The following CPLX1 variants were observed in gnomAD, a reference collection of about 807,000 sequenced individuals.
The protein encoded by CPLX1 is complexin-1.
In CPLX1, 6 loss-of-function variants were observed where a neutral mutation model predicts 15.6. That is an observed-to-expected ratio of 0.39 (90% confidence interval 0.21 to 0.76). CPLX1 has a LOEUF of 0.76. CPLX1 is among the 30% of genes least tolerant of loss of function. The probability of loss-of-function intolerance (pLI) is 0.43; values close to 1 mark genes in which losing one functional copy is unlikely to be tolerated. For synonymous variants in CPLX1, 91 were observed against 75.2 expected (o/e 1.21, Z -1.08); for missense variants, 242 against 188.6 (o/e 1.28, Z -1.66).
At chr4:797,792 G>C (rs551650836) in intron 2 of CPLX1, among the ~76,000 whole-genome samples, 6 of 152,052 alleles carry the variant, frequency 3.9e-5, no homozygotes, top group African/African-American at 1.4e-4. Flanking sequence ...AAGTAGCCGG[G>C]CATGGTGGCG....
chr4:809,028 G>A (rs1746609371), intron 2 of CPLX1, among the ~76,000 whole-genome samples: 3 of 152,260 alleles, frequency 2.0e-5, no homozygotes, highest in Admixed American at 2.0e-4. Flanking sequence ...GCGGCAGGCC[G>A]GGCTCCAGCG....
In CPLX1 at chr4:793,004, T is replaced by G. The variant is rs559676176; in HGVS notation, c.32-396A>C. ...ACATCTGTATGTGGTTCTGTGTTTGTGTCATATGCATGCCTGGCTGTGTGG... is the reference window on the plus strand; with the variant it reads ...ACATCTGTATGTGGTTCTGTGTTTGGGTCATATGCATGCCTGGCTGTGTGG... On this transcript the variant is annotated intron_variant, in intron 2 of 3. Transcript: ENST00000304062. Among the ~76,000 whole-genome samples the G allele has an allele frequency of 2.0e-5, 3 of 152,324 alleles. No homozygotes were observed. The South Asian group carries it at 6.2e-4, about 32-fold the overall frequency.
At chr4:798,885 G>C (rs936860769) in intron 2 of CPLX1, among the ~76,000 whole-genome samples, 1 of 152,124 alleles carries the variant, frequency 6.6e-6, no homozygotes, top group Non-Finnish European at 1.5e-5. Flanking sequence ...CTGGGACTTT[G>C]GCTTAAGCAA....
Position 800,015 on chromosome 4 carries a change from G to A in CPLX1, c.32-7407C>T, listed in dbSNP as rs114902095. On this transcript the variant is annotated intron_variant, in intron 2 of 3. Coordinates refer to ENST00000304062, the MANE Select transcript of CPLX1 (RefSeq NM_006651.4). Reference sequence around the variant, plus strand: ...AGACATTCTAGGGTCCTGGACTTGCGACTGGTGGGATGGAGGGGGCAGCCT... The same window carrying A: ...AGACATTCTAGGGTCCTGGACTTGCAACTGGTGGGATGGAGGGGGCAGCCT... 2.1e-3 allele frequency among the ~76,000 whole-genome samples: 313 copies of A among 152,250 alleles called. 1 individual carries two copies. The highest frequency in any genetic ancestry group is 6.8e-3 in the African/African-American group (284 of 41,540).
intron 3 of CPLX1, among the ~76,000 whole-genome samples, chr4:791,974 G>C (rs1302699687): frequency 2.6e-5 from 4 of 152,178 alleles, no homozygotes; most frequent in Non-Finnish European, 5.9e-5. Context: ...GAGGGGACCG[G>C]GCTGAGTGGG....
At position 795,798 on chromosome 4, in the gene CPLX1, GA is replaced by G. The variant is rs1368326822; in HGVS notation, c.32-3191del. On this transcript the variant is annotated intron_variant, in intron 2 of 3. Coordinates refer to ENST00000304062, the MANE Select transcript of CPLX1 (RefSeq NM_006651.4). ...GGGAGCTCGCCCCAAACCGGGTGGA[GA>G]GGGGGTGGGGGGGGGGTGCAGATCG... Among the ~76,000 whole-genome samples, 16 of 148,438 alleles carry G rather than the reference GA, an allele frequency of 1.1e-4. No homozygotes were observed. In the East Asian group the frequency reaches 2.9e-3, roughly 27 times the overall value.
At chr4:803,568 T>A (rs924477564) in intron 2 of CPLX1, among the ~76,000 whole-genome samples, 3 of 126,452 alleles carry the variant, frequency 2.4e-5, no homozygotes, top group African/African-American at 8.3e-5. Flanking sequence ...TTTTTTGTAT[T>A]TTTTTTTTTT....
intron 1 of CPLX1, 109 bp from the exon 2 acceptor site, chr4:824,710 C>T (rs1440083350): frequency 1.4e-6 from 1 of 721,118 alleles, no homozygotes; most frequent in Non-Finnish European, 2.5e-6. Context: ...GACCCTCCCC[C>T]ACCTGGAGCG....
chr4:817,949 C>G (rs1746791935), intron 2 of CPLX1, among the ~76,000 whole-genome samples: 1 of 152,238 alleles, frequency 6.6e-6, no homozygotes, highest in Admixed American at 6.5e-5. Flanking sequence ...GGAGCCAAGT[C>G]TGACAGGGGA....
At chr4:821,232 G>A (rs113010221) in intron 2 of CPLX1, among the ~76,000 whole-genome samples, 1 of 152,178 alleles carries the variant, frequency 6.6e-6, no homozygotes, top group Non-Finnish European at 1.5e-5. Flanking sequence ...CTGAACCACC[G>A]GAGTCACTGG....
chr4:788,665 C>CCTCCACTTCCGTGCCTGG, intron 3 of CPLX1: 1 of 891,634 alleles, frequency 1.1e-6, no homozygotes, highest in Non-Finnish European at 1.3e-6. Context: ...GCAGCAGCTC[C>CCTCCACTTCCGTGCCTGG]AGGCACGGAA....
At chr4:786,787 C>T in intron 3 of CPLX1, 89 bp from the exon 4 acceptor site, 1 of 1,479,534 alleles carries the variant, frequency 6.8e-7, no homozygotes, top group South Asian at 1.4e-5. Context: ...CCCAGGAACC[C>T]CCGAAGGCGT....
At chr4:824,889 A>C (rs1321959830) in intron 1 of CPLX1, 1 of 442,182 alleles carries the variant, frequency 2.3e-6, no homozygotes, top group African/African-American at 2.0e-5. Context: ...CAGGCTGCGG[A>C]AGCAGGGGCG....
chr4:805,333 C>A (rs62294154), intron 2 of CPLX1, among the ~76,000 whole-genome samples: 42,820 of 152,192 alleles, frequency 0.28, 7,536 homozygotes, highest in African/African-American at 0.5. Context: ...CCTGAAAAAC[C>A]TAACAGGTGT....
intron 2 of CPLX1, among the ~76,000 whole-genome samples, chr4:792,976 C>T (rs773022951): frequency 4.6e-4 from 70 of 152,228 alleles, no homozygotes; most frequent in Non-Finnish European, 7.4e-4. Context: ...ACCACGTGGT[C>T]GTACATCTGT....
intron 2 of CPLX1, among the ~76,000 whole-genome samples, chr4:795,805 T>TGGGGGGGGGG (rs113411399): frequency 1.1e-5 from 1 of 93,450 alleles, no homozygotes; most frequent in Non-Finnish European, 2.6e-5. Context: ...GGAGAGGGGG[T>TGGGGGGGGGG]GGGGGGGGGG....
intron 2 of CPLX1, among the ~76,000 whole-genome samples, chr4:817,913 G>C (rs560593683): frequency 6.6e-6 from 1 of 152,306 alleles, no homozygotes; most frequent in South Asian, 2.1e-4. Flanking sequence ...TCCCCATCCG[G>C]TGTCAAGGAA....
intron 2 of CPLX1, among the ~76,000 whole-genome samples, chr4:817,428 G>T (rs1487141002): frequency 2.0e-5 from 3 of 151,400 alleles, no homozygotes; most frequent in Non-Finnish European, 4.4e-5. Flanking sequence ...CGTGGTGGCA[G>T]GCACCTGTAA....
chr4:822,333 CTCTCCCTGTCTCTGTT>C (rs1342252863), intron 2 of CPLX1, among the ~76,000 whole-genome samples: 82 of 151,536 alleles, frequency 5.4e-4, no homozygotes, highest in African/African-American at 1.9e-3. Context: ...CTGCTCCCAT[CTCTCCCTGTCTCTGTT>C]TCTCCCTGTC....
Sources: allele counts gnomAD v4.1 joint callset (sites outside exome capture counted in the v4.1 genomes callset), GRCh38; gene constraint gnomAD v4.1.1; transcripts MANE v1.5; gene names NCBI Gene and HGNC (gene_info 2026-07-23, HGNC 2026-07-21).